Variants in TNFRSF8 observed in about 807,000 individuals in gnomAD.
TNFRSF8 encodes tumor necrosis factor receptor superfamily member 8.
Under a neutral mutation model 70.8 loss-of-function variants are expected in TNFRSF8, and 26 were observed. The observed-to-expected ratio is 0.37, with a 90% confidence interval of 0.27 to 0.51. The LOEUF (loss-of-function observed/expected upper bound fraction) is 0.51. TNFRSF8 is among the 20% of genes least tolerant of loss of function. The pLI is 0.94. For synonymous variants in TNFRSF8, 356 were observed against 339.2 expected (o/e 1.05, Z -0.54); for missense variants, 720 against 807.9 (o/e 0.89, Z 1.32).
intron 3 of TNFRSF8, among the ~76,000 whole-genome samples, chr1:12,097,928 G>A (rs1031308993): frequency 4.6e-5 from 7 of 152,132 alleles, no homozygotes; most frequent in Non-Finnish European, 8.8e-5. Context: ...TTTAAATAAT[G>A]TGTACCCTTA....
At chr1:12,091,768 G>A (rs969782769) in intron 2 of TNFRSF8, among the ~76,000 whole-genome samples, 1 of 152,202 alleles carries the variant, frequency 6.6e-6, no homozygotes, top group South Asian at 2.1e-4. Context: ...TGGCACCAGG[G>A]ACTGGTTTTG....
chr1:12,064,467 C>G (rs181492993), intron 1 of TNFRSF8, among the ~76,000 whole-genome samples: 6 of 152,174 alleles, frequency 3.9e-5, no homozygotes, highest in Non-Finnish European at 8.8e-5. Context: ...CCCAGGACCC[C>G]GGTGGACCCC....
At chr1:12,107,521 A>G (rs1388114876) in intron 4 of TNFRSF8, among the ~76,000 whole-genome samples, 1 of 152,090 alleles carries the variant, frequency 6.6e-6, no homozygotes, top group Non-Finnish European at 1.5e-5. Flanking sequence ...TATTTTTTAT[A>G]TTGATTGCCT....
Position 12,110,468 on chromosome 1 carries a change from C to T in TNFRSF8, c.676+264C>T, listed in dbSNP as rs1170809128. 4.6e-5 allele frequency among the ~76,000 whole-genome samples: 7 copies of T among 152,320 alleles called. No homozygotes were observed. Among genetic ancestry groups the T allele is most frequent in the Middle Eastern group, 3.4e-3 (1 of 294 alleles). ...CCATCTCTCCCTCTATTTCCCTCTA[C>T]GTTGGTTTGTCAGAGGGAAATGGGT... On this transcript the variant is annotated intron_variant, in intron 6 of 14. Transcript: ENST00000263932. This position sits in a 1 kb window ranked among gnomAD's most constrained non-coding sequence, Gnocchi z 4.0.
chr1:12,085,144 CTT>C (rs1236619265), intron 2 of TNFRSF8, among the ~76,000 whole-genome samples: 1 of 151,958 alleles, frequency 6.6e-6, no homozygotes, highest in Non-Finnish European at 1.5e-5. Flanking sequence ...GAGTTTTGCT[CTT>C]GTTGCCCAGG....
At chr1:12,100,956 CAAAAA>C (rs57753344) in intron 3 of TNFRSF8, among the ~76,000 whole-genome samples, 1 of 113,968 alleles carries the variant, frequency 8.8e-6, no homozygotes, top group Non-Finnish European at 2.0e-5. Context: ...GACTCTGTCT[CAAAAA>C]AAAAAAAAAA....
intron 12 of TNFRSF8, among the ~76,000 whole-genome samples, chr1:12,128,833 C>CTTTTTTTTT (rs60878706): frequency 8.1e-5 from 9 of 111,772 alleles, no homozygotes; most frequent in African/African-American, 1.1e-4. Flanking sequence ...GTCTAAAATT[C>CTTTTTTTTT]TTTTTTTTTT....
chr1:12,101,602 G>A (rs1315263557), intron 3 of TNFRSF8, among the ~76,000 whole-genome samples: 1 of 152,188 alleles, frequency 6.6e-6, no homozygotes, highest in Non-Finnish European at 1.5e-5. Context: ...AAACATGGGA[G>A]TAACGCACGT....
chr1:12,111,555 T>TA (rs926069520), intron 6 of TNFRSF8, among the ~76,000 whole-genome samples: 4 of 152,132 alleles, frequency 2.6e-5, no homozygotes, highest in African/African-American at 7.2e-5. Flanking sequence ...GAACAGGAGT[T>TA]ACGCTAGTGT....
chr1:12,124,864 AAAACAAAACAAAAC>A (rs1479188149), intron 10 of TNFRSF8, among the ~76,000 whole-genome samples: 27 of 148,790 alleles, frequency 1.8e-4, no homozygotes, highest in East Asian at 1.6e-3. Flanking sequence ...AAAACAAAAC[AAAACAAAACAAAAC>A]AAACAAAACC....
chr1:12,080,175 C>T, intron 1 of TNFRSF8: 1 of 462,374 alleles, frequency 2.2e-6, no homozygotes, highest in Non-Finnish European at 4.3e-6. Context: ...TCTTGAACTC[C>T]TGACCTCAGG....
intron 12 of TNFRSF8, among the ~76,000 whole-genome samples, chr1:12,127,504 C>T (rs1194602267): frequency 6.6e-6 from 1 of 152,248 alleles, no homozygotes; most frequent in Non-Finnish European, 1.5e-5. Flanking sequence ...TACCCAAGAG[C>T]CACGTGCTCA....
intron 1 of TNFRSF8, among the ~76,000 whole-genome samples, chr1:12,066,642 C>CGT: frequency 6.6e-6 from 1 of 151,176 alleles, no homozygotes; most frequent in Admixed American, 6.6e-5. Context: ...CGTGAGCCAC[C>CGT]GCCCCCGGCC....
At chr1:12,080,881 G>A (rs1049051064) in intron 1 of TNFRSF8, among the ~76,000 whole-genome samples, 1 of 152,182 alleles carries the variant, frequency 6.6e-6, no homozygotes, top group East Asian at 1.9e-4. Flanking sequence ...TTATTTTAAA[G>A]ATGGGTAGCC....
At chr1:12,082,358 C>G (rs1641079059) in intron 1 of TNFRSF8, among the ~76,000 whole-genome samples, 2 of 151,966 alleles carry the variant, frequency 1.3e-5, no homozygotes, top group African/African-American at 4.8e-5. Context: ...TCAACTTGGG[C>G]AACATAGCAA....
At chr1:12,096,424 T>TTA (rs1641331776) in intron 2 of TNFRSF8, among the ~76,000 whole-genome samples, 1 of 135,092 alleles carries the variant, frequency 7.4e-6, no homozygotes, top group Non-Finnish European at 1.6e-5. Context: ...GCTGATGAGC[T>TTA]AAAAAAAAAA....
At chr1:12,124,852 A>ACAAAACAAAACAAAG in intron 10 of TNFRSF8, among the ~76,000 whole-genome samples, 1 of 145,736 alleles carries the variant, frequency 6.9e-6, no homozygotes, top group Middle Eastern at 3.3e-3. Context: ...ACAAAACAAA[A>ACAAAACAAAACAAAG]CAAAACAAAA....
intron 8 of TNFRSF8, among the ~76,000 whole-genome samples, chr1:12,122,703 A>G (rs1641851651): frequency 6.6e-6 from 1 of 152,180 alleles, no homozygotes; most frequent in African/African-American, 2.4e-5. Context: ...TTAAAAGAAA[A>G]AAACTTTAAA....
chr1:12,139,941 C>T (rs1318585746), intron 14 of TNFRSF8, among the ~76,000 whole-genome samples: 1 of 152,216 alleles, frequency 6.6e-6, no homozygotes, highest in African/African-American at 2.4e-5. Context: ...CCAGCCTGGG[C>T]AGTCTTTTGT....
Sources: gnomAD v4.1 joint callset for allele counts (sites outside exome capture counted in the v4.1 genomes callset) on GRCh38, gnomAD v4.1.1 for gene constraint, Gnocchi (gnomAD v3.1) non-coding constraint, MANE v1.5 for transcripts, NCBI Gene and HGNC (gene_info 2026-07-23, HGNC 2026-07-21) for gene names.